The following PLSCR2 variants were observed in gnomAD, a reference collection of about 807,000 sequenced individuals.
PLSCR2 encodes phospholipid scramblase 2, also known as PL scramblase 2.
In PLSCR2, 18 loss-of-function variants were observed where a neutral mutation model predicts 25.3. The ratio of observed to expected loss-of-function variants is 0.71; its 90% CI spans 0.49 to 1.06. The LOEUF is 1.06. Ranked by LOEUF, PLSCR2 falls within the 50% of genes least tolerant of loss-of-function variation. PLSCR2 has a pLI of 0.00. For synonymous variants in PLSCR2, 88 were observed against 87.3 expected (o/e 1.01, Z -0.04); for missense variants, 243 against 269.5 (o/e 0.90, Z 0.69).
chr3:146,438,421 A>T (rs1220061638), downstream of PLSCR2, among the ~76,000 whole-genome samples: 1 of 152,144 alleles, frequency 6.6e-6, no homozygotes, highest in Non-Finnish European at 1.5e-5. Context: ...GTCTCTTTGT[A>T]GGTCTCTAAG....
intron 2 of PLSCR2, among the ~76,000 whole-genome samples, chr3:146,409,228 G>C (rs866576293): frequency 6.6e-6 from 1 of 152,050 alleles, no homozygotes; most frequent in Admixed American, 6.6e-5. Flanking sequence ...TAGTAGAGGG[G>C]CTATTTCCTC....
intron 2 of PLSCR2, among the ~76,000 whole-genome samples, chr3:146,409,241 C>G (rs941925841): frequency 6.6e-6 from 1 of 152,058 alleles, no homozygotes; most frequent in African/African-American, 2.4e-5. Context: ...ATTTCCTCTA[C>G]AGTCAAGAGG....
chr3:146,437,331 C>A (rs2039935545), downstream of PLSCR2, among the ~76,000 whole-genome samples: 1 of 152,032 alleles, frequency 6.6e-6, no homozygotes, highest in African/African-American at 2.4e-5. Flanking sequence ...CTATTGATTG[C>A]AATAGTTTCT....
At chr3:146,427,932 T>C (rs2039412805) in intron 2 of PLSCR2, among the ~76,000 whole-genome samples, 1 of 152,206 alleles carries the variant, frequency 6.6e-6, no homozygotes, top group African/African-American at 2.4e-5. Context: ...AATCAATCAA[T>C]TTTATATTTT....
At chr3:146,490,832 T>C (rs2043523855) in intron 1 of PLSCR2, among the ~76,000 whole-genome samples, 1 of 152,158 alleles carries the variant, frequency 6.6e-6, no homozygotes, top group Admixed American at 6.5e-5. Flanking sequence ...AGGTAGGGCA[T>C]TTAGCCCATC....
chr3:146,453,336 A>G (rs1343567875), intron 5 of PLSCR2, among the ~76,000 whole-genome samples: 1 of 152,098 alleles, frequency 6.6e-6, no homozygotes, highest in African/African-American at 2.4e-5. Flanking sequence ...TCAGGAAATC[A>G]AGATTAAGTT....
At chr3:146,463,499 T>C (rs1294860811), upstream of PLSCR2, among the ~76,000 whole-genome samples, 1 of 152,200 alleles carries the variant, frequency 6.6e-6, no homozygotes, top group Non-Finnish European at 1.5e-5. Flanking sequence ...GCAAATATTC[T>C]ACTCAGTAAT....
intron 1 of PLSCR2, among the ~76,000 whole-genome samples, chr3:146,467,631 A>ATC (rs2041927713): frequency 7.2e-6 from 1 of 139,592 alleles, no homozygotes; most frequent in African/African-American, 2.5e-5. Flanking sequence ...TGGATAACAC[A>ATC]TATATAACAA....
intron 1 of PLSCR2, among the ~76,000 whole-genome samples, chr3:146,472,627 A>T (rs902793497): frequency 2.0e-5 from 3 of 151,978 alleles, no homozygotes; most frequent in Non-Finnish European, 2.9e-5. Context: ...ATTTTTTTTT[A>T]AAAGGTATTA....
chr3:146,475,733 C>G (rs1168578215), intron 1 of PLSCR2, among the ~76,000 whole-genome samples: 1 of 152,068 alleles, frequency 6.6e-6, no homozygotes, highest in Non-Finnish European at 1.5e-5. Context: ...CCAAAAGGTC[C>G]TTTTTGTGTT....
At chr3:146,397,125 T>G (rs2038301853) in intron 2 of PLSCR2, among the ~76,000 whole-genome samples, 1 of 152,082 alleles carries the variant, frequency 6.6e-6, no homozygotes, top group Non-Finnish European at 1.5e-5. Flanking sequence ...CTTTCTCTCA[T>G]TTGGCTCTGT....
intron 2 of PLSCR2, among the ~76,000 whole-genome samples, chr3:146,409,368 G>A (rs1018934610): frequency 1.4e-4 from 22 of 151,980 alleles, no homozygotes; most frequent in Admixed American, 1.1e-3. Flanking sequence ...GTCTTCAGAG[G>A]GAGGCAGTAC....
chr3:146,459,024 T>C (rs945235550), intron 2 of PLSCR2, among the ~76,000 whole-genome samples: 3 of 152,152 alleles, frequency 2.0e-5, no homozygotes, highest in Non-Finnish European at 2.9e-5. Flanking sequence ...TTGACTATCA[T>C]AGAAATATTT....
Position 146,434,859 on chromosome 3 carries a change from T to A in PLSCR2, c.*35-1342A>T, listed in dbSNP as rs571790871. Among the ~76,000 whole-genome samples the A allele has an allele frequency of 3.6e-3, 551 of 152,178 alleles. 2 individuals carry two copies. The highest frequency in any genetic ancestry group is 0.013 in the African/African-American group (522 of 41,536). On this transcript the variant is annotated intron_variant, in intron 8 of 8. Coordinates refer to the PLSCR2 transcript ENST00000336685. ...CATATGTATACATGAGCCATGTTGG[T>A]GTGCTGCACCCATTAACTTGTCATT...
intron 2 of PLSCR2, among the ~76,000 whole-genome samples, chr3:146,413,040 C>A (rs6766583): frequency 0.51 from 78,102 of 151,916 alleles, 20,459 homozygotes; most frequent in South Asian, 0.7. Context: ...AATAAGAGAG[C>A]TGAACATACT....
At chr3:146,458,718 G>A (rs960863063) in intron 2 of PLSCR2, among the ~76,000 whole-genome samples, 7 of 151,954 alleles carry the variant, frequency 4.6e-5, no homozygotes, top group Admixed American at 4.6e-4. Context: ...ATAAAAGTTA[G>A]AAAACAATGT....
intron 1 of PLSCR2, among the ~76,000 whole-genome samples, chr3:146,466,058 C>A (rs1197957555): frequency 6.6e-6 from 1 of 152,220 alleles, no homozygotes; most frequent in African/African-American, 2.4e-5. Context: ...ATGCAAAGCA[C>A]CTTGTAACCG....
At chr3:146,493,783 G>GTTTTTTTTT (rs34986699) in intron 1 of PLSCR2, among the ~76,000 whole-genome samples, 1 of 54,770 alleles carries the variant, frequency 1.8e-5, no homozygotes, top group Non-Finnish European at 3.2e-5. Flanking sequence ...CCAAGGTGGC[G>GTTTTTTTTT]TTTTTTTTTT....
At chr3:146,425,028 C>T (rs143172841) in intron 2 of PLSCR2, among the ~76,000 whole-genome samples, 26 of 37,102 alleles carry the variant, frequency 7.0e-4, no homozygotes, top group African/African-American at 2.0e-3. Flanking sequence ...AATCTTCTAT[C>T]CATGAAATTA....
Sources: allele counts gnomAD v4.1 joint callset (sites outside exome capture counted in the v4.1 genomes callset), GRCh38; gene constraint gnomAD v4.1.1; transcripts MANE v1.5; gene names NCBI Gene and HGNC (gene_info 2026-07-23, HGNC 2026-07-21).